SERPINA12: variants seen among roughly 807,000 people sequenced by gnomAD.
The protein encoded by SERPINA12 is serpin A12.
A neutral mutation model predicts 25.9 loss-of-function variants in SERPINA12; 21 were observed. The ratio of observed to expected loss-of-function variants is 0.81; its 90% confidence interval spans 0.58 to 1.17. The LOEUF (loss-of-function observed/expected upper bound fraction) is 1.17, where lower values mean the gene tolerates loss of function less well. Among genes scored for constraint, SERPINA12 ranks in the 50% most tolerant of loss-of-function variants. The pLI, the probability that SERPINA12 is intolerant of heterozygous loss-of-function variation, is 0.00. For synonymous variants in SERPINA12, 220 were observed against 196.0 expected (o/e 1.12, Z -1.02); for missense variants, 562 against 508.3 (o/e 1.11, Z -1.02).
chr14:94,508,119 C>A (rs1054881514), intron 1 of SERPINA12, among the ~76,000 whole-genome samples: 7 of 152,192 alleles, frequency 4.6e-5, no homozygotes, highest in African/African-American at 1.7e-4. Flanking sequence ...CACTGCAAAG[C>A]CCAAATCCCA....
At chr14:94,507,320 T>C (rs1057197214) in intron 1 of SERPINA12, among the ~76,000 whole-genome samples, 1 of 152,190 alleles carries the variant, frequency 6.6e-6, no homozygotes, top group African/African-American at 2.4e-5. Context: ...GACCATGAGA[T>C]AGGCAGAAAG....
upstream of SERPINA12, among the ~76,000 whole-genome samples, chr14:94,510,561 G>A (rs1901082432): frequency 6.6e-6 from 1 of 152,154 alleles, no homozygotes; most frequent in African/African-American, 2.4e-5. Flanking sequence ...ATTCCTTAAG[G>A]AACTAAAAGG....
In SERPINA12 at chr14:94,494,866, T is replaced by C. The variant is rs540963596; in HGVS notation, c.905+1507A>G. ...GAGAAGACCAGGTCTCAGCTAAAGG[T>C]TGTAACCTGGACCCCTCCTTTTGTT... On this transcript the variant is annotated intron_variant, in intron 3 of 4. Transcript: ENST00000677451. 1.2e-4 allele frequency among the ~76,000 whole-genome samples: 18 copies of C among 152,164 alleles called. 1 individual carries two copies. The South Asian group carries it at 3.7e-3, about 32-fold the overall frequency.
chr14:94,487,435 G>A lies in SERPINA12; in HGVS notation c.1113C>T (p.Thr371=), dbSNP rs199685081. ...DERGTEGAAG[T]GAQTLPMETP... Reference sequence around the variant, plus strand: ...TCTCCATGGGCAGAGTCTGTGCTCCGGTGCCAGCGGCCCCTTCCGTACCCC... The same window carrying A: ...TCTCCATGGGCAGAGTCTGTGCTCCAGTGCCAGCGGCCCCTTCCGTACCCC... The change falls in exon 5 of 5, where the codon ACC becomes ACT. Residue 371 remains threonine, a synonymous_variant. Transcript: ENST00000677451. 3.7e-6 allele frequency: 6 copies of A among 1,613,968 alleles called. No homozygotes were observed. Among genetic ancestry groups the A allele is most frequent in the African/African-American group, 2.7e-5 (2 of 75,014 alleles).
At chr14:94,516,074 A>G (rs1173501715) in exon 2 of SERPINA12, 1 of 152,360 alleles carries the variant, frequency 6.6e-6, no homozygotes, top group African/African-American at 2.4e-5. Flanking sequence ...CTTTGCTCCA[A>G]TGTGTGTGCT....
intron 4 of SERPINA12, among the ~76,000 whole-genome samples, 190 bp from the exon 5 acceptor site, chr14:94,487,684 G>A (rs1180569704): frequency 2.0e-5 from 3 of 152,146 alleles, no homozygotes; most frequent in Admixed American, 6.5e-5. Flanking sequence ...AGCAGATGCC[G>A]TGTGAAGGAA....
intron 1 of SERPINA12, among the ~76,000 whole-genome samples, chr14:94,503,559 G>A (rs181334993): frequency 3.9e-5 from 6 of 152,342 alleles, no homozygotes; most frequent in Non-Finnish European, 8.8e-5. Flanking sequence ...ATTCTAGGAG[G>A]AGGGGTATGT....
intron 1 of SERPINA12, among the ~76,000 whole-genome samples, chr14:94,499,691 G>A (rs935956341): frequency 6.6e-6 from 1 of 152,190 alleles, no homozygotes; most frequent in Admixed American, 6.5e-5. Flanking sequence ...ACCTGAGATG[G>A]GGATTTAGGT....
intron 3 of SERPINA12, among the ~76,000 whole-genome samples, chr14:94,493,466 C>T (rs142727086): frequency 3.6e-4 from 55 of 152,238 alleles, no homozygotes; most frequent in Non-Finnish European, 5.6e-4. Context: ...CAAGGAGATG[C>T]GGAAAGCAGT....
chr14:94,495,990 T>C (rs1355550405), intron 3 of SERPINA12, among the ~76,000 whole-genome samples: 2 of 152,246 alleles, frequency 1.3e-5, no homozygotes, highest in South Asian at 2.1e-4. Flanking sequence ...GTTGACAACA[T>C]CATTCTACTC....
chr14:94,493,077 C>T (rs1900245929), intron 3 of SERPINA12, among the ~76,000 whole-genome samples: 1 of 152,120 alleles, frequency 6.6e-6, no homozygotes, highest in African/African-American at 2.4e-5. Flanking sequence ...TCTTCTAGGC[C>T]CTCCAGTCTG....
Position 94,497,892 on chromosome 14 carries a change from T to A in SERPINA12, c.506A>T (p.Asn169Ile). ...GATCTGCTTCTGAGCCATTTCCAAA[T>A]TCTGAAAGTTGGTAAGGATGGTTTC... Reference protein sequence around the residue: ...SAETILTNFQNLEMAQKQIND... With the variant: ...SAETILTNFQILEMAQKQIND... Residue 169 changes from asparagine to isoleucine, a missense_variant, in exon 2 of 5, where the codon AAT becomes ATT. Physicochemically the swap from Asn to Ile is moderately radical, Grantham distance 149. Transcript: ENST00000677451. The A allele has an allele frequency of 6.2e-7, 1 of 1,614,192 alleles. No individual in the cohort carries two copies. The highest frequency in any genetic ancestry group is 8.5e-7 in the Non-Finnish European group (1 of 1,180,042).
intron 3 of SERPINA12, among the ~76,000 whole-genome samples, chr14:94,493,182 T>G (rs1261398429): frequency 6.6e-6 from 1 of 152,172 alleles, no homozygotes; most frequent in Non-Finnish European, 1.5e-5. Context: ...TTCCCACCTG[T>G]AGATCAAAGC....
upstream of SERPINA12, chr14:94,511,272 C>T (rs1463120169): frequency 3.2e-6 from 1 of 313,562 alleles, no homozygotes; most frequent in Non-Finnish European, 4.6e-6. Flanking sequence ...TATACACACA[C>T]ACATTTAATT....
intron 1 of SERPINA12, among the ~76,000 whole-genome samples, chr14:94,500,193 A>T (rs929095882): frequency 1.3e-5 from 2 of 152,312 alleles, no homozygotes; most frequent in Admixed American, 1.3e-4. Context: ...AAGGTCTTCA[A>T]GGAGTTTGTA....
At chr14:94,503,174 TA>T (rs1427409480) in intron 1 of SERPINA12, 38 of 980,754 alleles carry the variant, frequency 3.9e-5, no homozygotes, top group Non-Finnish European at 4.6e-5. Context: ...TTATTATTTT[TA>T]AAAGCACATT....
intron 1 of SERPINA12, among the ~76,000 whole-genome samples, chr14:94,502,215 T>C (rs1359943965): frequency 1.3e-5 from 2 of 152,182 alleles, no homozygotes; most frequent in Admixed American, 1.3e-4. Flanking sequence ...CCTGCTCCCA[T>C]GTTCCCTATT....
At chr14:94,512,973 A>G (rs1305528219), upstream of SERPINA12, among the ~76,000 whole-genome samples, 2 of 152,232 alleles carry the variant, frequency 1.3e-5, no homozygotes, top group Non-Finnish European at 2.9e-5. Context: ...TTCTCCAAGA[A>G]TGTTCCACAC....
intron 3 of SERPINA12, among the ~76,000 whole-genome samples, chr14:94,490,769 C>A (rs1465221368): frequency 6.6e-6 from 1 of 152,126 alleles, no homozygotes; most frequent in African/African-American, 2.4e-5. Flanking sequence ...CCAGAGTCAC[C>A]GTTGACAACC....
Sources: allele counts gnomAD v4.1 joint callset (sites outside exome capture counted in the v4.1 genomes callset), GRCh38; gene constraint gnomAD v4.1.1; transcripts MANE v1.5; gene names NCBI Gene and HGNC (gene_info 2026-07-23, HGNC 2026-07-21).